Variants in ARHGAP15 observed in about 807,000 individuals in gnomAD.
ARHGAP15 encodes the protein Rho GTPase activating protein 15.
In ARHGAP15, 51 loss-of-function variants were observed where a neutral mutation model predicts 63.7. That is an observed-to-expected ratio of 0.80 (90% confidence interval 0.64 to 1.01). The LOEUF (loss-of-function observed/expected upper bound fraction) is 1.01, where lower values mean the gene tolerates loss of function less well. Among genes scored for constraint, ARHGAP15 ranks in the 50% least tolerant of loss-of-function variants. The pLI is 0.00. For missense variants in ARHGAP15, 560 were observed against 564.6 expected (o/e 0.99, Z 0.08); for synonymous variants, 191 against 193.8 (o/e 0.99, Z 0.12).
chr2:143,232,136 A>T (rs1045967807), intron 5 of ARHGAP15, among the ~76,000 whole-genome samples: 1 of 152,210 alleles, frequency 6.6e-6, no homozygotes, highest in African/African-American at 2.4e-5. Context: ...TAGGTACCTC[A>T]GTGAGTTAGT....
chr2:143,224,337 A>G (rs111400159), intron 4 of ARHGAP15, among the ~76,000 whole-genome samples: 1,549 of 152,334 alleles, frequency 0.01, 17 homozygotes, highest in Middle Eastern at 0.037. Flanking sequence ...AACAGCAAAC[A>G]TAAAGCAGAA....
At chr2:143,585,852 A>G (rs1023385793) in intron 11 of ARHGAP15, among the ~76,000 whole-genome samples, 1 of 152,106 alleles carries the variant, frequency 6.6e-6, no homozygotes, top group Non-Finnish European at 1.5e-5. Flanking sequence ...CTGCACAGGA[A>G]ATATGTTCAC....
chr2:143,513,546 A>G (rs1362012473), intron 9 of ARHGAP15, among the ~76,000 whole-genome samples: 4 of 152,162 alleles, frequency 2.6e-5, no homozygotes, highest in South Asian at 2.1e-4. Flanking sequence ...AATTACAACT[A>G]TCTGCTTTTC....
intron 8 of ARHGAP15, among the ~76,000 whole-genome samples, chr2:143,475,848 A>T (rs1691790899): frequency 6.6e-6 from 1 of 152,206 alleles, no homozygotes; most frequent in African/African-American, 2.4e-5. Flanking sequence ...AGGGGCTTTG[A>T]GGGATGATAC....
At chr2:143,661,393 T>C (rs1681764679) in intron 12 of ARHGAP15, among the ~76,000 whole-genome samples, 1 of 152,224 alleles carries the variant, frequency 6.6e-6, no homozygotes. Context: ...GACATTGTTT[T>C]TATATAGATT....
chr2:143,412,329 T>C (rs190650673), intron 6 of ARHGAP15, among the ~76,000 whole-genome samples: 122 of 151,246 alleles, frequency 8.1e-4, no homozygotes, highest in African/African-American at 2.9e-3. Context: ...ATTGAAAATA[T>C]CTGGTTGGAC....
intron 9 of ARHGAP15, among the ~76,000 whole-genome samples, chr2:143,515,196 C>T (rs897082617): frequency 6.8e-6 from 1 of 147,460 alleles, no homozygotes; most frequent in Non-Finnish European, 1.5e-5. Flanking sequence ...AACCCCCCCA[C>T]CCTCCCTTTT....
intron 6 of ARHGAP15, among the ~76,000 whole-genome samples, chr2:143,306,307 TA>T (rs995312242): frequency 5.9e-5 from 9 of 152,070 alleles, no homozygotes; most frequent in African/African-American, 1.7e-4. Context: ...TTTGTAGAGA[TA>T]GGGGGAGACG....
At chr2:143,626,641 A>T (rs1698847173) in intron 12 of ARHGAP15, among the ~76,000 whole-genome samples, 2 of 152,166 alleles carry the variant, frequency 1.3e-5, no homozygotes, top group South Asian at 4.2e-4. Flanking sequence ...TCCTATCAGA[A>T]TGCCCTTTTT....
intron 6 of ARHGAP15, among the ~76,000 whole-genome samples, chr2:143,274,054 C>T (rs1681426537): frequency 6.6e-6 from 1 of 152,170 alleles, no homozygotes; most frequent in African/African-American, 2.4e-5. Context: ...ATTGTAATCA[C>T]TACTTATCCT....
intron 5 of ARHGAP15, among the ~76,000 whole-genome samples, chr2:143,249,508 A>G (rs1035866262): frequency 6.6e-6 from 1 of 152,178 alleles, no homozygotes; most frequent in Non-Finnish European, 1.5e-5. Context: ...AATAAGCTTC[A>G]TATACTAAAA....
rs142694738 is a variant in ARHGAP15 at position 143,132,408 on chromosome 2, A to G, written c.-15+2942A>G. ...TCATTCCTCAGCTCTTCTTTTCACT[A>G]TGCTGTAAGCAGTCTCTAGTGGAAG... On this transcript the variant is annotated intron_variant, in intron 1 of 13. Coordinates refer to ENST00000295095, the MANE Select transcript of ARHGAP15 (RefSeq NM_018460.4). 2.4e-3 allele frequency among the ~76,000 whole-genome samples: 370 copies of G among 152,318 alleles called. 2 individuals carry two copies. The highest frequency in any genetic ancestry group is 8.5e-3 in the African/African-American group (354 of 41,570).
chr2:143,613,937 T>C (rs1239539903), intron 11 of ARHGAP15, among the ~76,000 whole-genome samples: 1 of 152,162 alleles, frequency 6.6e-6, no homozygotes, highest in Non-Finnish European at 1.5e-5. Flanking sequence ...ACTCTTTCAG[T>C]TGTAAGGACC....
chr2:143,467,845 G>T (rs1691306355), intron 8 of ARHGAP15, among the ~76,000 whole-genome samples: 4 of 152,088 alleles, frequency 2.6e-5, no homozygotes, highest in Admixed American at 2.6e-4. Flanking sequence ...TCATTAGCCT[G>T]TCATATTACA....
intron 11 of ARHGAP15, among the ~76,000 whole-genome samples, chr2:143,569,094 A>G (rs547826494): frequency 2.6e-5 from 4 of 152,306 alleles, no homozygotes; most frequent in African/African-American, 7.2e-5. Context: ...GTGAGCCAGC[A>G]TGGCACATGT....
chr2:143,724,019 T>C (rs1685174963), intron 13 of ARHGAP15, among the ~76,000 whole-genome samples: 1 of 151,582 alleles, frequency 6.6e-6, no homozygotes, highest in Admixed American at 6.6e-5. Flanking sequence ...TATCACCTTA[T>C]CATAGAAATA....
At chr2:143,387,131 C>T (rs1687320403) in intron 6 of ARHGAP15, among the ~76,000 whole-genome samples, 1 of 152,078 alleles carries the variant, frequency 6.6e-6, no homozygotes, top group Non-Finnish European at 1.5e-5. Context: ...CAAACTTGCA[C>T]ATGCACCCCT....
intron 12 of ARHGAP15, among the ~76,000 whole-genome samples, chr2:143,695,431 C>T (rs894407702): frequency 1.3e-5 from 2 of 152,140 alleles, no homozygotes; most frequent in Admixed American, 6.6e-5. Context: ...CAGCCACTGC[C>T]TTACGCTCCA....
At chr2:143,537,537 T>A (rs576942222) in intron 10 of ARHGAP15, among the ~76,000 whole-genome samples, 2 of 152,380 alleles carry the variant, frequency 1.3e-5, no homozygotes, top group Admixed American at 1.3e-4. Context: ...CTTTAATACA[T>A]CTTGAATTAA....
Sources: allele counts gnomAD v4.1 joint callset (sites outside exome capture counted in the v4.1 genomes callset), GRCh38; gene constraint gnomAD v4.1.1; transcripts MANE v1.5; gene names NCBI Gene and HGNC (gene_info 2026-07-23, HGNC 2026-07-21).